FGD3: variants seen among roughly 807,000 people sequenced by gnomAD.
FGD3 encodes the protein FYVE, RhoGEF and PH domain containing 3.
In FGD3, 45 loss-of-function variants were observed where a neutral mutation model predicts 71.8. That is an observed-to-expected ratio of 0.63 (90% CI 0.49 to 0.80). The LOEUF (loss-of-function observed/expected upper bound fraction) is 0.80, where lower values mean the gene tolerates loss of function less well. FGD3 is among the 30% of genes least tolerant of loss of function. The pLI is 0.00. For synonymous variants in FGD3, 378 were observed against 392.8 expected, an observed-to-expected ratio of 0.96 and a Z score of 0.44; for missense variants, 844 against 951.5, an observed-to-expected ratio of 0.89 and a Z score of 1.49.
intron 14 of FGD3, among the ~76,000 whole-genome samples, chr9:93,026,689 T>C (rs895882915): frequency 1.3e-5 from 2 of 152,204 alleles, no homozygotes; most frequent in African/African-American, 4.8e-5. Flanking sequence ...TGGGACCCGG[T>C]CCCACTGGTC....
rs1428821929 is a variant in FGD3 at position 92,968,613 on chromosome 9, T to C, written c.-217-6625T>C. 3.2e-3 allele frequency among the ~76,000 whole-genome samples: 479 copies of C among 149,992 alleles called. 12 individuals carry two copies. Among genetic ancestry groups the C allele is most frequent in the African/African-American group, 9.3e-3 (380 of 40,850 alleles). On this transcript the variant is annotated intron_variant, in intron 1 of 17. Coordinates refer to ENST00000375482, the MANE Select transcript of FGD3 (RefSeq NM_001083536.2). The stretch of plus-strand genomic sequence containing the variant: ...TTTTCTTTTTTCTTTCTTTCTTTTT[T>C]TTTTTTTTGACACGGAGTCTCACTC...
chr9:92,987,431 CAAAA>C (rs56738468), intron 3 of FGD3, among the ~76,000 whole-genome samples: 1 of 122,466 alleles, frequency 8.2e-6, no homozygotes, highest in African/African-American at 3.0e-5. Context: ...GACTCTGTCT[CAAAA>C]AAAAAAAAAA....
intron 3 of FGD3, among the ~76,000 whole-genome samples, chr9:92,990,294 C>G (rs1006555553): frequency 2.0e-5 from 3 of 152,050 alleles, no homozygotes; most frequent in African/African-American, 7.3e-5. Context: ...AAAAAGTTAG[C>G]TGGGTATGGT....
chr9:92,976,561 C>G lies in FGD3; in HGVS notation c.305C>G (p.Pro102Arg). 4.3e-6 allele frequency: 7 copies of G among 1,612,636 alleles called. No individual in the cohort carries two copies. Among genetic ancestry groups the G allele is most frequent in the Non-Finnish European group, 5.9e-6 (7 of 1,179,858 alleles). ...CEEGLEAGPS[P>R]TVLGAHAEMA... ...GAGGGCTTGGAGGCTGGCCCAAGCC[C>G]CACTGTACTGGGGGCGCACGCAGAG... Residue 102 changes from proline (P) to arginine (R), a missense_variant, in exon 3 of 18, where the codon CCC (proline) becomes CGC (arginine). Physicochemically the swap from Pro to Arg is moderately radical, Grantham distance 103. Transcript: ENST00000375482.
intron 1 of FGD3, among the ~76,000 whole-genome samples, chr9:92,948,450 G>A (rs1463430137): frequency 6.6e-6 from 1 of 152,220 alleles, no homozygotes; most frequent in African/African-American, 2.4e-5. Flanking sequence ...TGGTCCTTGG[G>A]GATCCATGTT....
At chr9:92,997,923 T>G (rs1860709866) in intron 3 of FGD3, among the ~76,000 whole-genome samples, 1 of 152,226 alleles carries the variant, frequency 6.6e-6, no homozygotes, top group Non-Finnish European at 1.5e-5. Context: ...ATTTCAACTT[T>G]GGTGAATCTG....
At position 92,989,547 on chromosome 9, in the gene FGD3, T is replaced by C. The variant is rs576880664; in HGVS notation, c.453+12838T>C. 1.1e-4 allele frequency among the ~76,000 whole-genome samples: 17 copies of C among 152,340 alleles called. No individual in the cohort carries two copies. The East Asian group carries it at 3.3e-3, about 29-fold the overall frequency. ...CTTGGAAGAAATAAACATGGAATCA[T>C]AGAAAAACAGTCTGTGGCCTGTGCC... is the stretch of plus-strand genomic sequence containing the variant. On this transcript the variant is annotated intron_variant, in intron 3 of 17. Coordinates refer to ENST00000375482, the MANE Select transcript of FGD3 (RefSeq NM_001083536.2).
At chr9:92,996,429 C>T (rs1366713371) in intron 3 of FGD3, among the ~76,000 whole-genome samples, 1 of 152,074 alleles carries the variant, frequency 6.6e-6, no homozygotes, top group Non-Finnish European at 1.5e-5. Flanking sequence ...AAAACCAGCT[C>T]CTGGATTCAT....
chr9:93,029,580 A>G (rs1192136070), intron 14 of FGD3, among the ~76,000 whole-genome samples: 4 of 152,194 alleles, frequency 2.6e-5, no homozygotes, highest in Admixed American at 6.5e-5. Context: ...GCTCCTTTCA[A>G]TAGTTTCTCA....
chr9:92,962,526 A>T (rs775394851), intron 1 of FGD3, among the ~76,000 whole-genome samples: 1 of 152,162 alleles, frequency 6.6e-6, no homozygotes, highest in Non-Finnish European at 1.5e-5. Context: ...GGTGATTCAG[A>T]TGTTGGTGGC....
chr9:93,010,113 A>G lies in FGD3; in HGVS notation c.838-133A>G, dbSNP rs960424921. On this transcript the variant is annotated intron_variant, in intron 6 of 17. Transcript: ENST00000375482. ...TTGTAAAGTGTGGTCTGTGTCAGCC[A>G]TGTCTTGAAGGACAGTCAGTTCTGG... 14 of 1,052,820 alleles carry G rather than the reference A, an allele frequency of 1.3e-5. No homozygotes were observed. In the South Asian group the frequency reaches 1.4e-4, roughly 10 times the overall value. The allele number at this position is 1,052,820 out of a possible 1,614,324, so 65.2% of individuals were successfully genotyped here.
Position 93,013,917 on chromosome 9 carries a change from G to A in FGD3, c.1101G>A (p.Pro367=), listed in dbSNP as rs371837808. 4.4e-5 allele frequency: 71 copies of A among 1,612,914 alleles called. No individual in the cohort carries two copies. Among genetic ancestry groups the A allele is most frequent in the Non-Finnish European group, 5.5e-5 (65 of 1,179,658 alleles). Reference sequence around the variant, plus strand: ...GTGGGGAAGAAGACATTGTCAACCCGGCCAATGAACTGATCAAGGAGGGCC... The same window carrying A: ...GTGGGGAAGAAGACATTGTCAACCCAGCCAATGAACTGATCAAGGAGGGCC... The part of the protein sequence containing the change: ...QLGGEEDIVN[P]ANELIKEGQI... The change falls in exon 9 of 18, where the codon CCG becomes CCA. Residue 367 remains proline (P), a synonymous_variant. Transcript: ENST00000375482.
chr9:92,996,981 T>C (rs1587840088), intron 3 of FGD3, among the ~76,000 whole-genome samples: 2 of 152,214 alleles, frequency 1.3e-5, no homozygotes, highest in East Asian at 3.8e-4. Flanking sequence ...GTTCTGTAGA[T>C]GTCTATTAGG....
chr9:93,016,771 G>A (rs182194383), intron 10 of FGD3, among the ~76,000 whole-genome samples: 147 of 151,866 alleles, frequency 9.7e-4, no homozygotes, highest in African/African-American at 3.1e-3. Flanking sequence ...TTACAGGTGC[G>A]CGCCACCACG....
chr9:92,995,133 G>A (rs1860582106), intron 3 of FGD3, among the ~76,000 whole-genome samples: 1 of 152,024 alleles, frequency 6.6e-6, no homozygotes, highest in Non-Finnish European at 1.5e-5. Flanking sequence ...ATTTGTTTGT[G>A]TCCTCTTTTA....
At chr9:93,035,025 G>A (rs372682259) in intron 17 of FGD3, among the ~76,000 whole-genome samples, 12 of 152,288 alleles carry the variant, frequency 7.9e-5, no homozygotes, top group African/African-American at 2.9e-4. Context: ...CTGTCACAGG[G>A]GCTGGCCTGT....
chr9:93,035,833 A>G lies in FGD3; in HGVS notation c.*244A>G, dbSNP rs1862579908. The stretch of plus-strand genomic sequence containing the variant: ...CAGCCCCAGCAGTGTGGCCCAGAGC[A>G]GGGGCCGACTGCCAAAGTAACCATC... On this transcript the variant is annotated 3_prime_UTR_variant, in exon 18 of 18. Coordinates refer to ENST00000375482, the MANE Select transcript of FGD3 (RefSeq NM_001083536.2). 7.8e-6 allele frequency: 4 copies of G among 510,068 alleles called. No individual in the cohort carries two copies. The highest frequency in any genetic ancestry group is 1.3e-5 in the Non-Finnish European group (4 of 297,882). The allele number at this position is 510,068 out of a possible 1,614,324, so 31.6% of individuals were successfully genotyped here. A position where few individuals can be genotyped will look rare whatever the true frequency, so the allele number is the denominator to read the frequency against.
At chr9:92,993,910 G>C (rs140285576) in intron 3 of FGD3, among the ~76,000 whole-genome samples, 1 of 152,246 alleles carries the variant, frequency 6.6e-6, no homozygotes, top group East Asian at 1.9e-4. Context: ...ATTGTGAATA[G>C]TGCTGCAATA....
At chr9:93,010,120 G>A in intron 6 of FGD3, 126 bp from the exon 7 acceptor site, 1 of 1,156,592 alleles carries the variant, frequency 8.6e-7, no homozygotes, top group Admixed American at 2.5e-5. Context: ...GCCATGTCTT[G>A]AAGGACAGTC....
Sources: allele counts gnomAD v4.1 joint callset (sites outside exome capture counted in the v4.1 genomes callset), GRCh38; gene constraint gnomAD v4.1.1; transcripts MANE v1.5; gene names NCBI Gene and HGNC (gene_info 2026-07-23, HGNC 2026-07-21).